The following PKHD1L1 variants were observed in gnomAD, a reference collection of about 807,000 sequenced individuals.
PKHD1L1 encodes PKHD1 like 1, also known as fibrocystin-L.
A neutral mutation model predicts 462.9 loss-of-function variants in PKHD1L1; 434 were observed. The ratio of observed to expected loss-of-function variants is 0.94; its 90% CI spans 0.87 to 1.02. The LOEUF is 1.02. PKHD1L1 is among the 50% of genes least tolerant of loss of function. PKHD1L1 has a pLI of 0.00. For missense variants in PKHD1L1, 5,202 were observed against 5,096.1 expected (o/e 1.02, Z -0.63); for synonymous variants, 1,781 against 1,750.0 (o/e 1.02, Z -0.44).
intron 2 of PKHD1L1, 121 bp downstream of exon 2, chr8:109,364,757 G>A (rs1271413096): frequency 3.3e-5 from 22 of 675,510 alleles, no homozygotes; most frequent in Non-Finnish European, 4.9e-5. Context: ...TCTTCACTTG[G>A]CCAGAATAGT....
At chr8:109,513,433 G>T (rs1275826238) in intron 71 of PKHD1L1, among the ~76,000 whole-genome samples, 1 of 152,092 alleles carries the variant, frequency 6.6e-6, no homozygotes, top group Non-Finnish European at 1.5e-5. Flanking sequence ...TTCAGAGACT[G>T]CAGCATGTTA....
rs1821026069 is a variant in PKHD1L1, at chr8:109,530,894, T to A, written c.*804T>A. 6.6e-6 allele frequency among the ~76,000 whole-genome samples: 1 copy of A among 152,126 alleles called. No individual in the cohort carries two copies. The highest frequency in any genetic ancestry group is 1.9e-4 in the East Asian group (1 of 5,184). On this transcript the variant is annotated 3_prime_UTR_variant, in exon 78 of 78. Coordinates refer to ENST00000378402, the MANE Select transcript of PKHD1L1 (RefSeq NM_177531.6). Reference sequence around the variant, plus strand: ...CACTGTTTACTGGATGAATGAAGTATAAAGTGTGGGAAGTCAACAACAGAA... The same window carrying A: ...CACTGTTTACTGGATGAATGAAGTAAAAAGTGTGGGAAGTCAACAACAGAA...
intron 67 of PKHD1L1, 62 bp from the exon 68 acceptor site, chr8:109,504,265 T>G (rs1275966714): frequency 9.1e-7 from 1 of 1,099,122 alleles, no homozygotes; most frequent in Admixed American, 3.1e-5. Context: ...GAATGTGCAT[T>G]AAATCTGATT....
At position 109,496,969 on chromosome 8, in the gene PKHD1L1, T is replaced by C; in HGVS notation, c.10378T>C (p.Leu3460=). The C allele has an allele frequency of 6.2e-7, 1 of 1,613,418 alleles. No homozygotes were observed. Among genetic ancestry groups the C allele is most frequent in the East Asian group, 2.2e-5 (1 of 44,856 alleles). ...KWFDNEAHGG[L]YGIYMNQDGL... ...GTTTGACAATGAAGCCCATGGAGGTTTATATGGGATCTATATGAACCAAGA... is the reference window on the plus strand; with the variant it reads ...GTTTGACAATGAAGCCCATGGAGGTCTATATGGGATCTATATGAACCAAGA... Residue 3460 remains leucine, a synonymous_variant, in exon 64 of 78, where the codon TTA becomes CTA. Coordinates refer to ENST00000378402, the MANE Select transcript of PKHD1L1 (RefSeq NM_177531.6).
At chr8:109,481,325 C>A in intron 55 of PKHD1L1, 108 bp from the exon 56 acceptor site, 1 of 1,016,002 alleles carries the variant, frequency 9.8e-7, no homozygotes. Flanking sequence ...TATAACAAAA[C>A]TCATTCCTTT....
chr8:109,450,862 A>C (rs1816448825), intron 40 of PKHD1L1, 113 bp from the exon 41 acceptor site: 4 of 1,068,974 alleles, frequency 3.7e-6, no homozygotes, highest in Non-Finnish European at 4.0e-6. Flanking sequence ...GGTATATTGG[A>C]AAAGGAAGAT....
chr8:109,401,710 T>C, intron 14 of PKHD1L1, 122 bp downstream of exon 14: 1 of 532,466 alleles, frequency 1.9e-6, no homozygotes, highest in Non-Finnish European at 3.3e-6. Flanking sequence ...GTTTAATTTA[T>C]AATTGGTCAT....
At position 109,496,951 on chromosome 8, in the gene PKHD1L1, A is replaced by G; in HGVS notation, c.10360A>G (p.Asn3454Asp). The G allele has an allele frequency of 6.2e-7, 1 of 1,613,572 alleles. No individual in the cohort carries two copies. The highest frequency in any genetic ancestry group is 8.5e-7 in the Non-Finnish European group (1 of 1,179,602). The change falls in exon 64 of 78, where the codon AAT (asparagine) becomes GAT (aspartate). Residue 3454 changes from asparagine to aspartate, a missense_variant. By Grantham distance (23) the Asn-to-Asp change is conservative. This residue lies in a region of PKHD1L1 where 4,497 missense variants were observed against 4,336.8 expected (regional missense o/e 1.04). Transcript: ENST00000378402. The part of the protein sequence containing the change: ...QFNPVEKWFD[N>D]EAHGGLYGIY... Reference sequence around the variant, plus strand: ...TAATCCTGTGGAAAAGTGGTTTGACAATGAAGCCCATGGAGGTTTATATGG... The same window carrying G: ...TAATCCTGTGGAAAAGTGGTTTGACGATGAAGCCCATGGAGGTTTATATGG...
chr8:109,373,405 A>G (rs1017769793), intron 2 of PKHD1L1, among the ~76,000 whole-genome samples: 2 of 151,858 alleles, frequency 1.3e-5, no homozygotes, highest in Non-Finnish European at 2.9e-5. Flanking sequence ...TTTCTTCTTT[A>G]TTAGTCCTGC....
intron 62 of PKHD1L1, among the ~76,000 whole-genome samples, 159 bp downstream of exon 62, chr8:109,492,153 T>G (rs56224859): frequency 0.015 from 2,240 of 151,798 alleles, 28 homozygotes; most frequent in Middle Eastern, 0.051. Flanking sequence ...CAATGTCTAT[T>G]GGTTTAAATA....
chr8:109,385,347 T>C (rs1057002055), intron 5 of PKHD1L1, among the ~76,000 whole-genome samples, 190 bp from the exon 6 acceptor site: 4 of 151,984 alleles, frequency 2.6e-5, no homozygotes, highest in African/African-American at 9.7e-5. Flanking sequence ...TCAATGAATA[T>C]TTACAGATAC....
intron 63 of PKHD1L1, among the ~76,000 whole-genome samples, chr8:109,494,878 C>G (rs1309651951): frequency 6.6e-6 from 1 of 151,744 alleles, no homozygotes; most frequent in Non-Finnish European, 1.5e-5. Flanking sequence ...AATAAATCTG[C>G]AGACTTTACC....
At chr8:109,363,149 G>A (rs6998812) in intron 1 of PKHD1L1, among the ~76,000 whole-genome samples, 3,604 of 152,248 alleles carry the variant, frequency 0.024, 134 homozygotes, top group African/African-American at 0.083. Flanking sequence ...ATACCCAGAA[G>A]AGGGCTGGGA....
chr8:109,434,876 T>C (rs1322748959), intron 28 of PKHD1L1, among the ~76,000 whole-genome samples: 1 of 144,698 alleles, frequency 6.9e-6, no homozygotes, highest in East Asian at 1.9e-4. Context: ...AATGAGCTTA[T>C]AAACTAGTTT....
In PKHD1L1 at chr8:109,536,347, A is replaced by G. The variant is rs1821146609; in HGVS notation, c.*6257A>G. Among the ~76,000 whole-genome samples, 1 of 152,254 alleles carries G rather than the reference A, an allele frequency of 6.6e-6. No homozygotes were observed. Among genetic ancestry groups the G allele is most frequent in the African/African-American group, 2.4e-5 (1 of 41,468 alleles). On this transcript the variant is annotated 3_prime_UTR_variant, in exon 78 of 78. Coordinates refer to ENST00000378402, the MANE Select transcript of PKHD1L1 (RefSeq NM_177531.6). The stretch of plus-strand genomic sequence containing the variant: ...AAAGTTGTTCAAGGTCAAAGTCACG[A>G]TGTCCATCATGCTGTAGCTCAATGA...
chr8:109,430,748 G>C (rs753544233), intron 27 of PKHD1L1, among the ~76,000 whole-genome samples: 6 of 151,816 alleles, frequency 4.0e-5, no homozygotes, highest in Non-Finnish European at 7.4e-5. Flanking sequence ...TTTTATATTG[G>C]TACCTCCTAA....
rs202213717 is a variant in PKHD1L1, at chr8:109,419,175, T to C, written c.2439T>C (p.Ile813=). 6 of 1,613,626 alleles carry C rather than the reference T, an allele frequency of 3.7e-6. No homozygotes were observed. In the Admixed American group the frequency reaches 1.0e-4, roughly 27 times the overall value. ...YTGTNVSLQR[I]SLHKASESQS... is the part of the protein sequence containing the mutation. ...GGACAAATGTTTCTCTTCAGAGGAT[T>C]AGCTTACATAAAGCATCAGAATCAC... Residue 813 remains isoleucine (I), a synonymous_variant, in exon 22 of 78, where the codon ATT becomes ATC. Coordinates refer to ENST00000378402, the MANE Select transcript of PKHD1L1 (RefSeq NM_177531.6).
Position 109,441,370 on chromosome 8 carries a change from A to G in PKHD1L1, c.4195A>G (p.Lys1399Glu). 1 of 1,547,740 alleles carries G rather than the reference A, an allele frequency of 6.5e-7. No homozygotes were observed. Among genetic ancestry groups the G allele is most frequent in the South Asian group, 1.2e-5 (1 of 84,696 alleles). ...TATATTCAGGATTACCAACAATGGG[A>G]AAGATTCAGGTATCAGCCATTTATA... is the stretch of plus-strand genomic sequence containing the variant. ...GNIFRITNNG[K>E]DSVHGLGYAW... The change falls in exon 34 of 78, where the codon AAA becomes GAA. Residue 1399 changes from lysine to glutamate, a missense_variant. Transcript: ENST00000378402.
intron 57 of PKHD1L1, among the ~76,000 whole-genome samples, chr8:109,483,770 T>C (rs1818389905): frequency 6.6e-6 from 1 of 151,612 alleles, no homozygotes. Flanking sequence ...ACCTCTTCAC[T>C]TCTAATTTAT....
Sources: gnomAD v4.1 joint callset for allele counts (sites outside exome capture counted in the v4.1 genomes callset) on GRCh38, gnomAD v4.1.1 for gene constraint, gnomAD v4.1.1 regional missense constraint, MANE v1.5 for transcripts, NCBI Gene and HGNC (gene_info 2026-07-23, HGNC 2026-07-21) for gene names.